CACNB2: variants seen among roughly 807,000 people sequenced by gnomAD.
CACNB2 encodes voltage-dependent L-type calcium channel subunit beta-2.
CACNB2 carries 42 observed loss-of-function variants against 73.3 expected under a neutral mutation model. That is an observed-to-expected ratio of 0.57 (90% confidence interval 0.45 to 0.74). CACNB2 has a LOEUF of 0.74. CACNB2 is among the 30% of genes least tolerant of loss of function. The pLI, the probability that CACNB2 is intolerant of heterozygous loss-of-function variation, is 0.00. For synonymous variants in CACNB2, 348 were observed against 310.3 expected (o/e 1.12, Z -1.28); for missense variants, 940 against 853.0 (o/e 1.10, Z -1.27).
At chr10:18,447,092 A>C (rs2046774145) in intron 3 of CACNB2, among the ~76,000 whole-genome samples, 1 of 152,046 alleles carries the variant, frequency 6.6e-6, no homozygotes, top group Admixed American at 6.6e-5. Context: ...AAAAGTTGAT[A>C]GGTAAATGTG....
chr10:18,390,431 C>T (rs1000211158), intron 2 of CACNB2, among the ~76,000 whole-genome samples: 1 of 152,158 alleles, frequency 6.6e-6, no homozygotes, highest in Non-Finnish European at 1.5e-5. Flanking sequence ...CCAGGCTGGT[C>T]TCGAACACCT....
At chr10:18,514,417 G>A (rs1347831947) in intron 7 of CACNB2, 48 bp downstream of exon 7, 1 of 1,613,848 alleles carries the variant, frequency 6.2e-7, no homozygotes, top group South Asian at 1.1e-5. Flanking sequence ...CAACTGCACT[G>A]CGTCACATTT....
At position 18,540,339 on chromosome 10, in the gene CACNB2, T is replaced by G. The variant is rs898430422; in HGVS notation, c.*615T>G. 7.0e-6 allele frequency: 1 copy of G among 143,016 alleles called. No individual in the cohort carries two copies. The highest frequency in any genetic ancestry group is 1.5e-5 in the Non-Finnish European group (1 of 67,788). The allele number at this position is 143,016 out of a possible 1,614,324, so 8.9% of individuals were successfully genotyped here. ...ACCTTCTTATTATATATATAATATA[T>G]ATATATATCAGTTTGATCACACTAT... is the stretch of plus-strand genomic sequence containing the variant. On this transcript the variant is annotated 3_prime_UTR_variant, in exon 14 of 14. Coordinates refer to ENST00000324631, the MANE Select transcript of CACNB2 (RefSeq NM_201596.3).
chr10:18,343,805 G>A (rs1040201771), intron 2 of CACNB2, among the ~76,000 whole-genome samples: 4 of 152,154 alleles, frequency 2.6e-5, no homozygotes, highest in African/African-American at 4.8e-5. Flanking sequence ...AGCTATCAGC[G>A]GGCTGGGAGG....
At chr10:18,331,559 C>T (rs2040809051) in intron 2 of CACNB2, among the ~76,000 whole-genome samples, 1 of 151,728 alleles carries the variant, frequency 6.6e-6, no homozygotes, top group Non-Finnish European at 1.5e-5. Flanking sequence ...TAACTGTTAC[C>T]TCTAACTGCT....
chr10:18,378,968 C>A lies in CACNB2; in HGVS notation c.214-22956C>A, dbSNP rs117463179. On this transcript the variant is annotated intron_variant, in intron 2 of 13. Coordinates refer to ENST00000324631, the MANE Select transcript of CACNB2 (RefSeq NM_201596.3). ...AGGTGCTGGGGGCCAACAGCACAGA[C>A]CAGTGTTCCAAAGCCAGGAACCCGG... Among the ~76,000 whole-genome samples the A allele has an allele frequency of 9.0e-3, 1,370 of 152,262 alleles. 28 individuals carry two copies. Among genetic ancestry groups the A allele is most frequent in the East Asian group, 0.038 (195 of 5,172 alleles).
At chr10:18,258,576 A>G (rs1249678948) in intron 2 of CACNB2, among the ~76,000 whole-genome samples, 1 of 151,744 alleles carries the variant, frequency 6.6e-6, no homozygotes. Context: ...AAATACAAAA[A>G]TTTAGCCAGG....
intron 2 of CACNB2, among the ~76,000 whole-genome samples, chr10:18,195,799 A>G (rs1287042039): frequency 1.3e-5 from 2 of 152,182 alleles, no homozygotes; most frequent in East Asian, 1.9e-4. Flanking sequence ...AAGAAGAAAA[A>G]AAGCAGTAAA....
intron 2 of CACNB2, among the ~76,000 whole-genome samples, chr10:18,314,282 CA>C (rs1034970020): frequency 6.6e-6 from 1 of 152,104 alleles, no homozygotes; most frequent in East Asian, 1.9e-4. Context: ...ATCCACCTAT[CA>C]AAAAATAATC....
rs2040711737 is a variant in CACNB2 at position 18,329,470 on chromosome 10, G to A, written c.214-72454G>A. 3.4e-5 allele frequency among the ~76,000 whole-genome samples: 5 copies of A among 147,586 alleles called. No individual in the cohort carries two copies. The South Asian group carries it at 1.1e-3, about 32-fold the overall frequency. ...GCTGTGAATATTTTTTCCCAGAGTT[G>A]GTAATCCTAAATCACCTCTTACAAG... On this transcript the variant is annotated intron_variant, in intron 2 of 13. Coordinates refer to ENST00000324631, the MANE Select transcript of CACNB2 (RefSeq NM_201596.3).
chr10:18,448,007 A>G (rs1264637855), intron 3 of CACNB2, among the ~76,000 whole-genome samples: 1 of 152,068 alleles, frequency 6.6e-6, no homozygotes, highest in East Asian at 1.9e-4. Context: ...TTGTTTTTTA[A>G]TAGAGATAGG....
In CACNB2 at chr10:18,392,517, C is replaced by G. The variant is rs547668655; in HGVS notation, c.214-9407C>G. Among the ~76,000 whole-genome samples, 16 of 152,164 alleles carry G rather than the reference C, an allele frequency of 1.1e-4. No homozygotes were observed. The South Asian group carries it at 3.1e-3, about 30-fold the overall frequency. On this transcript the variant is annotated intron_variant, in intron 2 of 13. Transcript: ENST00000324631. Reference sequence around the variant, plus strand: ...ACAGGAAGAGAAGAGTTAGAGGGAGCAGAGCCAACTTTTTCTATGCATTAT... The same window carrying G: ...ACAGGAAGAGAAGAGTTAGAGGGAGGAGAGCCAACTTTTTCTATGCATTAT...
chr10:18,362,667 G>A (rs993632370), intron 2 of CACNB2, among the ~76,000 whole-genome samples: 3 of 152,176 alleles, frequency 2.0e-5, no homozygotes, highest in Non-Finnish European at 4.4e-5. Context: ...GAGGCTGGGC[G>A]CCGTGGCTCA....
chr10:18,514,352 A>C lies in CACNB2; in HGVS notation c.787A>C (p.Met263Leu). Residue 263 changes from methionine (M) to leucine (L), a missense_variant, in exon 7 of 14, where the codon ATG becomes CTG. Met to Leu is a conservative substitution (Grantham distance 15). Coordinates refer to ENST00000324631, the MANE Select transcript of CACNB2 (RefSeq NM_201596.3). ...GTCACCCCACTCCAAAGAGAAAAGA[A>C]TGCCCTTCTTTAAGAAGGTAACATT... ...VTSPHSKEKR[M>L]PFFKKTEHTP... 6.2e-7 allele frequency: 1 copy of C among 1,614,200 alleles called. No homozygotes were observed. Among genetic ancestry groups the C allele is most frequent in the Non-Finnish European group, 8.5e-7 (1 of 1,180,014 alleles).
chr10:18,414,728 C>A lies in CACNB2; in HGVS notation c.333+12685C>A, dbSNP rs2044843795. On this transcript the variant is annotated intron_variant, in intron 3 of 13. Coordinates refer to ENST00000324631, the MANE Select transcript of CACNB2 (RefSeq NM_201596.3). ...TCATAGACTTCTGGCTATTTTAAAA[C>A]CATAAATAGATTAAGGAAGGATTAT... Among the ~76,000 whole-genome samples, 3 of 151,820 alleles carry A rather than the reference C, an allele frequency of 2.0e-5. No homozygotes were observed. The South Asian group carries it at 6.2e-4, about 32-fold the overall frequency.
At chr10:18,321,133 G>T (rs966801181) in intron 2 of CACNB2, among the ~76,000 whole-genome samples, 1 of 152,284 alleles carries the variant, frequency 6.6e-6, no homozygotes, top group East Asian at 1.9e-4. Flanking sequence ...GACCTTCTAG[G>T]TGAAGCTGAG....
intron 2 of CACNB2, among the ~76,000 whole-genome samples, chr10:18,319,647 C>T (rs1257910853): frequency 3.3e-5 from 5 of 151,812 alleles, no homozygotes; most frequent in Non-Finnish European, 7.4e-5. Flanking sequence ...AATAAAAAGG[C>T]ACAACAAAGG....
chr10:18,504,705 C>T (rs567632664), intron 5 of CACNB2, among the ~76,000 whole-genome samples: 120 of 152,188 alleles, frequency 7.9e-4, no homozygotes, highest in Non-Finnish European at 1.3e-3. Context: ...AGTGCAGTGG[C>T]GCAGTCTCGA....
chr10:18,338,712 G>GCCTTCCT (rs2041107025), intron 2 of CACNB2, among the ~76,000 whole-genome samples: 1 of 116,552 alleles, frequency 8.6e-6, no homozygotes, highest in African/African-American at 3.3e-5. Flanking sequence ...CTGACTTCCT[G>GCCTTCCT]CCTTCCTGCC....
Sources: gnomAD v4.1 joint callset for allele counts (sites outside exome capture counted in the v4.1 genomes callset) on GRCh38, gnomAD v4.1.1 for gene constraint, MANE v1.5 for transcripts, NCBI Gene and HGNC (gene_info 2026-07-23, HGNC 2026-07-21) for gene names.